TRIM25: variants seen among roughly 807,000 people sequenced by gnomAD.
TRIM25 encodes tripartite motif containing 25.
In TRIM25, 45 loss-of-function variants were observed where a neutral mutation model predicts 65.2. The ratio of observed to expected loss-of-function variants is 0.69; its 90% CI spans 0.54 to 0.89. The LOEUF (loss-of-function observed/expected upper bound fraction) is 0.89. TRIM25 is among the 40% of genes least tolerant of loss of function. The pLI, the probability that TRIM25 is intolerant of heterozygous loss-of-function variation, is 0.00. For missense variants in TRIM25, 714 were observed against 803.7 expected, an observed-to-expected ratio of 0.89 and a Z score of 1.35; for synonymous variants, 321 against 340.4, an observed-to-expected ratio of 0.94 and a Z score of 0.63.
rs754914789 is a variant in TRIM25 at position 56,901,430 on chromosome 17, G to C, written c.1076C>G (p.Thr359Ser). 2.5e-6 allele frequency: 4 copies of C among 1,613,728 alleles called. No individual in the cohort carries two copies. The highest frequency in any genetic ancestry group is 3.4e-6 in the Non-Finnish European group (4 of 1,179,972). Reference protein sequence around the residue: ...KQCIGRLQEPTPSSGDPGEHD... With the variant: ...KQCIGRLQEPSPSSGDPGEHD... ...GCTGCTAAGGTCACCTGAACTGGGG[G>C]TGGGCTCCTGGAGCCGCCCGATGCA... is the stretch of plus-strand genomic sequence containing the variant. The change falls in exon 4 of 9, where the codon ACC becomes AGC. Residue 359 changes from threonine (T) to serine (S), a missense_variant. Thr to Ser is a moderately conservative substitution (Grantham distance 58, BLOSUM62 1). Coordinates refer to ENST00000316881, the MANE Select transcript of TRIM25 (RefSeq NM_005082.5).
At chr17:56,896,049 A>C in intron 5 of TRIM25, 97 bp from the exon 6 acceptor site, 1 of 1,281,872 alleles carries the variant, frequency 7.8e-7, no homozygotes, top group Non-Finnish European at 1.1e-6. Context: ...TGACCCAGAC[A>C]AATAAAAGGA....
chr17:56,892,198 G>A lies in TRIM25; in HGVS notation c.1395C>T (p.Thr465=), dbSNP rs770136591. Residue 465 remains threonine, a synonymous_variant, in exon 9 of 9, where the codon ACC becomes ACT. Transcript: ENST00000316881. ...CTGACAGAGCCACTTTGTTGTGGGC[G>A]GTGTTGTAGTCCAGGATGACTTTAA... The part of the protein sequence containing the change: ...YYIKVILDYN[T]AHNKVALSEC... 1.3e-5 allele frequency: 21 copies of A among 1,606,392 alleles called. No individual in the cohort carries two copies. Among genetic ancestry groups the A allele is most frequent in the Middle Eastern group, 1.6e-4 (1 of 6,064 alleles).
Position 56,904,301 on chromosome 17 carries a change from T to C in TRIM25, c.881A>G (p.Glu294Gly). 1 of 1,613,854 alleles carries C rather than the reference T, an allele frequency of 6.2e-7. No individual in the cohort carries two copies. Among genetic ancestry groups the C allele is most frequent in the Non-Finnish European group, 8.5e-7 (1 of 1,179,982 alleles). Residue 294 changes from glutamate (E) to glycine (G), a missense_variant, in exon 3 of 9, where the codon GAG becomes GGG. Physicochemically the swap from Glu to Gly is moderately conservative, Grantham distance 98. This residue lies in a region of TRIM25 where 413 missense variants were observed against 498.2 expected (regional missense o/e 0.83). Coordinates refer to ENST00000316881, the MANE Select transcript of TRIM25 (RefSeq NM_005082.5). ...CCTCTTGGTCAGGCTCTGTTCAATC[T>C]CCTCCTTCAAGGTCTGGATCTCACT... is the stretch of plus-strand genomic sequence containing the variant. ...KKSEIQTLKE[E>G]IEQSLTKRDE...
chr17:56,901,458 G>A lies in TRIM25; in HGVS notation c.1048C>T (p.Gln350Ter). ...STIDLKNELK[Q>*]CIGRLQEPTP... The stretch of plus-strand genomic sequence containing the variant: ...GGCTCCTGGAGCCGCCCGATGCACT[G>A]CTTCAGCTCGTTTTTGAGGTCTATG... Residue 350 changes from glutamine to a stop codon, truncating the protein, a stop_gained, in exon 4 of 9, where the codon CAG becomes TAG. Transcript: ENST00000316881. LOFTEE classifies it high-confidence loss of function. 6.2e-7 allele frequency: 1 copy of A among 1,614,148 alleles called. No individual in the cohort carries two copies. The highest frequency in any genetic ancestry group is 8.5e-7 in the Non-Finnish European group (1 of 1,180,024).
intron 5 of TRIM25, among the ~76,000 whole-genome samples, chr17:56,898,380 C>G (rs1909342428): frequency 6.6e-6 from 1 of 152,042 alleles, no homozygotes; most frequent in Non-Finnish European, 1.5e-5. Context: ...AAAGAGCTCT[C>G]ACAATCAGTG....
rs761145340 is a variant in TRIM25, at chr17:56,891,956, C to T, written c.1637G>A (p.Ser546Asn). The T allele has an allele frequency of 4.0e-5, 65 of 1,614,108 alleles. No homozygotes were observed. Among genetic ancestry groups the T allele is most frequent in the Non-Finnish European group, 5.3e-5 (62 of 1,180,046 alleles). The change falls in exon 9 of 9, where the codon AGC becomes AAC. Residue 546 changes from serine (S) to asparagine (N), a missense_variant. Physicochemically the swap from Ser to Asn is conservative, Grantham distance 46. Coordinates refer to ENST00000316881, the MANE Select transcript of TRIM25 (RefSeq NM_005082.5). ...GAACCACTCCACGCACCAGGAGGCGCTGTTGCGGCCGAGCCTGCTTTCTGG... is the reference window on the plus strand; with the variant it reads ...GAACCACTCCACGCACCAGGAGGCGTTGTTGCGGCCGAGCCTGCTTTCTGG... ...QGPESRLGRN[S>N]ASWCVEWFNT... is the part of the protein sequence containing the mutation.
chr17:56,908,757 C>T (rs1909570591), intron 1 of TRIM25, 194 bp from the exon 2 acceptor site: 1 of 590,346 alleles, frequency 1.7e-6, no homozygotes, highest in Non-Finnish European at 3.1e-6. Context: ...TACTTCCCTT[C>T]ATCCTTTTCA....
chr17:56,905,660 T>C (rs1436236628), intron 2 of TRIM25, among the ~76,000 whole-genome samples: 11 of 152,176 alleles, frequency 7.2e-5, no homozygotes, highest in Non-Finnish European at 5.9e-5. Flanking sequence ...TAAACTATAA[T>C]ATTAAAATTA....
chr17:56,891,791 T>C lies in TRIM25; in HGVS notation c.1802A>G (p.Tyr601Cys), dbSNP rs374538337. The C allele has an allele frequency of 9.9e-6, 16 of 1,614,212 alleles. No individual in the cohort carries two copies. The African/African-American group carries it at 1.7e-4, about 17-fold the overall frequency. Reference sequence around the variant, plus strand: ...CTCAGTAAAGTCCACCCTGAACTTATACATCAGGTGGACCTTGTCGGCAAC... The same window carrying C: ...CTCAGTAAAGTCCACCCTGAACTTACACATCAGGTGGACCTTGTCGGCAAC... ...FAVADKVHLM[Y>C]KFRVDFTEAL... Residue 601 changes from tyrosine (Y) to cysteine (C), a missense_variant, in exon 9 of 9, where the codon TAT becomes TGT. By Grantham distance (194) the Tyr-to-Cys change is radical (BLOSUM62 -2). Around this residue, in one of 3 missense-constraint regions of TRIM25, gnomAD observed 413 missense variants for 498.2 expected, o/e 0.83. Coordinates refer to ENST00000316881, the MANE Select transcript of TRIM25 (RefSeq NM_005082.5).
In TRIM25 at chr17:56,889,850, A is replaced by G; in HGVS notation, c.*1850T>C. On this transcript the variant is annotated 3_prime_UTR_variant, in exon 9 of 9. Transcript: ENST00000316881. The stretch of plus-strand genomic sequence containing the variant: ...CAAAAGCAGAGAAGAATCACCAAAG[A>G]ACTTTTCTTCCAAGTAGTAAAGGAA... 2.5e-6 allele frequency: 1 copy of G among 398,622 alleles called. No individual in the cohort carries two copies. The highest frequency in any genetic ancestry group is 4.4e-6 in the Non-Finnish European group (1 of 226,062). 24.7% of individuals were successfully genotyped at this position (398,622 alleles called of 1,614,324 possible). A position where few individuals can be genotyped will look rare whatever the true frequency, so the allele number is the denominator to read the frequency against.
chr17:56,889,719 A>G lies in TRIM25; in HGVS notation c.*1981T>C, dbSNP rs1157413256. On this transcript the variant is annotated 3_prime_UTR_variant, in exon 9 of 9. Transcript: ENST00000316881. ...GAGCCAGAGCAGGAGCCATGGATTT[A>G]TCTCTGGCATTCTACTCCTCCAAGC... is the stretch of plus-strand genomic sequence containing the variant. 1 of 398,504 alleles carries G rather than the reference A, an allele frequency of 2.5e-6. No individual in the cohort carries two copies. The highest frequency in any genetic ancestry group is 4.4e-6 in the Non-Finnish European group (1 of 226,060). 24.7% of individuals were successfully genotyped at this position (398,504 alleles called of 1,614,324 possible).
chr17:56,899,745 G>A (rs1909372960), intron 4 of TRIM25, among the ~76,000 whole-genome samples: 1 of 152,164 alleles, frequency 6.6e-6, no homozygotes, highest in African/African-American at 2.4e-5. Flanking sequence ...ATTTACTATG[G>A]GCCAGGCTCT....
Position 56,890,219 on chromosome 17 carries a change from G to A in TRIM25, c.*1481C>T. 3.4e-6 allele frequency: 1 copy of A among 294,370 alleles called. No homozygotes were observed. The highest frequency in any genetic ancestry group is 4.9e-5 in the Admixed American group (1 of 20,404). The allele number at this position is 294,370 out of a possible 1,614,324, so 18.2% of individuals were successfully genotyped here. A position where few individuals can be genotyped will look rare whatever the true frequency, so the allele number is the denominator to read the frequency against. On this transcript the variant is annotated 3_prime_UTR_variant, in exon 9 of 9. Transcript: ENST00000316881. ...AGTTGGACTCATTTCACTATAAGAG[G>A]CTAAATTCCTCATACTCACATCCTG...
chr17:56,894,072 A>T, intron 8 of TRIM25, among the ~76,000 whole-genome samples: 1 of 152,208 alleles, frequency 6.6e-6, no homozygotes, highest in East Asian at 1.9e-4. Context: ...CAGGATTCCA[A>T]CACGCAGCCA....
chr17:56,892,063 C>T lies in TRIM25; in HGVS notation c.1530G>A (p.Gly510=), dbSNP rs774009989. The change falls in exon 9 of 9, where the codon GGG becomes GGA. Residue 510 remains glycine, a synonymous_variant. Transcript: ENST00000316881. ...GCAGCTCCACCTCCCAGTAGTGGATCCCCTTCTTGTAGCAGTGCAGGCCCA... is the reference window on the plus strand; with the variant it reads ...GCAGCTCCACCTCCCAGTAGTGGATTCCCTTCTTGTAGCAGTGCAGGCCCA... ...QVLGLHCYKK[G]IHYWEVELQK... is the part of the protein sequence containing the mutation. 213 of 1,614,068 alleles carry T rather than the reference C, an allele frequency of 1.3e-4. No individual in the cohort carries two copies. Among genetic ancestry groups the T allele is most frequent in the Non-Finnish European group, 1.7e-4 (204 of 1,180,024 alleles).
chr17:56,893,646 T>C (rs945454821), intron 8 of TRIM25, among the ~76,000 whole-genome samples: 1 of 152,170 alleles, frequency 6.6e-6, no homozygotes, highest in African/African-American at 2.4e-5. Context: ...TGCACGTGGG[T>C]GCAGAAGAAA....
chr17:56,910,715 T>C (rs190008865), intron 1 of TRIM25, among the ~76,000 whole-genome samples: 13 of 152,348 alleles, frequency 8.5e-5, no homozygotes, highest in African/African-American at 3.1e-4. Flanking sequence ...AAAGGACTTT[T>C]TGAAATCCTG....
chr17:56,909,469 G>A (rs1056716448), intron 1 of TRIM25, among the ~76,000 whole-genome samples: 10 of 152,090 alleles, frequency 6.6e-5, no homozygotes, highest in Non-Finnish European at 1.2e-4. Flanking sequence ...TGGATCATTT[G>A]CTCTCAGGAG....
chr17:56,913,957 AG>A lies in TRIM25; in HGVS notation c.31del (p.Leu11CysfsTer27), dbSNP rs1909685303. On this transcript the variant is annotated frameshift_variant, in exon 1 of 9. Coordinates refer to ENST00000316881, the MANE Select transcript of TRIM25 (RefSeq NM_005082.5). LOFTEE classifies it high-confidence loss of function. This position sits in a 1 kb window ranked among gnomAD's most constrained non-coding sequence, Gnocchi z 6.1. The part of the protein sequence containing the change: MAELCPLAEE[L>X]SCSICLEPFK... ...GGGCTCCAGGCAGATGGAGCACGAC[AG>A]CTCCTCGGCCAGGGGGCACAGCTCT... 6.3e-7 allele frequency: 1 copy of A among 1,580,834 alleles called. No individual in the cohort carries two copies. The highest frequency in any genetic ancestry group is 1.1e-5 in the South Asian group (1 of 87,224).
Sources: allele counts gnomAD v4.1 joint callset (sites outside exome capture counted in the v4.1 genomes callset), GRCh38; gene constraint gnomAD v4.1.1; regional missense constraint gnomAD v4.1.1; non-coding constraint Gnocchi (gnomAD v3.1); transcripts MANE v1.5; gene names NCBI Gene and HGNC (gene_info 2026-07-23, HGNC 2026-07-21).